NUP58: variants seen among roughly 807,000 people sequenced by gnomAD.
The protein encoded by NUP58 is nucleoporin 58.
A neutral mutation model predicts 70.1 loss-of-function variants in NUP58; 17 were observed. The observed-to-expected ratio is 0.24, with a 90% confidence interval of 0.17 to 0.36. NUP58 has a LOEUF of 0.36. Ranked by LOEUF, NUP58 falls within the 10% of genes least tolerant of loss-of-function variation. The probability of loss-of-function intolerance (pLI) is 1.00; values close to 1 mark genes in which losing one functional copy is unlikely to be tolerated. For missense variants in NUP58, 644 were observed against 701.5 expected (o/e 0.92, Z 0.93); for synonymous variants, 275 against 257.6 (o/e 1.07, Z -0.65).
chr13:25,320,966 T>C lies in NUP58; in HGVS notation c.824T>C (p.Met275Thr). 1.3e-6 allele frequency: 2 copies of C among 1,582,848 alleles called. No homozygotes were observed. Among genetic ancestry groups the C allele is most frequent in the Non-Finnish European group, 8.5e-7 (1 of 1,170,860 alleles). ...QKQVQEEISR[M>T]SSKAMLKVQE... Reference sequence around the variant, plus strand: ...CAAGTTCAAGAAGAAATTAGTAGAATGTCTTCAAAAGCAATGCTTAAGGTA... The same window carrying C: ...CAAGTTCAAGAAGAAATTAGTAGAACGTCTTCAAAAGCAATGCTTAAGGTA... Residue 275 changes from methionine to threonine, a missense_variant, in exon 9 of 16, where the codon ATG (methionine) becomes ACG (threonine). By Grantham distance (81) the Met-to-Thr change is moderately conservative. Around this residue, in one of 4 missense-constraint regions of NUP58, gnomAD observed 430 missense variants for 409.2 expected, o/e 1.05. Transcript: ENST00000381736.
At chr13:25,315,901 A>T (rs978109337) in intron 6 of NUP58, among the ~76,000 whole-genome samples, 1 of 152,190 alleles carries the variant, frequency 6.6e-6, no homozygotes, top group Admixed American at 6.5e-5. Context: ...ATCCTGGCTC[A>T]ACTGCTTATA....
downstream of NUP58, among the ~76,000 whole-genome samples, chr13:25,343,807 A>G (rs35450584): frequency 0.045 from 1,626 of 35,754 alleles, 12 homozygotes; most frequent in East Asian, 0.066. Flanking sequence ...ATATATATGT[A>G]TATATATATA....
chr13:25,326,911 T>C lies in NUP58; in HGVS notation c.1032-5T>C. 6.6e-7 allele frequency: 1 copy of C among 1,522,898 alleles called. No individual in the cohort carries two copies. Among genetic ancestry groups the C allele is most frequent in the Non-Finnish European group, 8.9e-7 (1 of 1,118,404 alleles). 94.3% of individuals were successfully genotyped at this position (1,522,898 alleles called of 1,614,324 possible). ...TTGATCTGACTTTTTAAATGTTTTT[T>C]AAAGCTACTTCAGAATCTTGGTTCA... On this transcript the variant is annotated splice_polypyrimidine_tract_variant and splice_region_variant and intron_variant, in intron 10 of 15. Transcript: ENST00000381736.
At chr13:25,319,417 A>G in intron 7 of NUP58, 67 bp downstream of exon 7, 1 of 1,424,300 alleles carries the variant, frequency 7.0e-7, no homozygotes. Flanking sequence ...TTGTAGGCAG[A>G]TGGTATAATT....
At chr13:25,304,686 TTTA>T (rs977891297) in intron 1 of NUP58, among the ~76,000 whole-genome samples, 4 of 150,966 alleles carry the variant, frequency 2.6e-5, no homozygotes, top group African/African-American at 9.8e-5. Context: ...GGCTAAATTT[TTTA>T]TTTTTATTTT....
chr13:25,314,635 C>T (rs2030841140), intron 5 of NUP58, among the ~76,000 whole-genome samples: 1 of 152,092 alleles, frequency 6.6e-6, no homozygotes, highest in Admixed American at 6.5e-5. Context: ...GCAGAGGTTG[C>T]AGTGAGCCGA....
At chr13:25,344,977 A>G (rs1459450789), downstream of NUP58, among the ~76,000 whole-genome samples, 4 of 152,148 alleles carry the variant, frequency 2.6e-5, no homozygotes, top group African/African-American at 9.7e-5. Flanking sequence ...CCTTGCTAAC[A>G]TGAGCCAGTG....
chr13:25,307,209 G>GTGT (rs1433449217), intron 1 of NUP58, among the ~76,000 whole-genome samples: 2 of 46,398 alleles, frequency 4.3e-5, no homozygotes, highest in African/African-American at 9.7e-5. Flanking sequence ...ATCTGGTATT[G>GTGT]TATTTTTTTT....
chr13:25,328,447 G>A (rs1307988651), intron 12 of NUP58, among the ~76,000 whole-genome samples: 1 of 141,470 alleles, frequency 7.1e-6, no homozygotes, highest in Non-Finnish European at 1.5e-5. Flanking sequence ...CCAGGCTGGA[G>A]TTCAGTGGCA....
rs1347343768 is a variant in NUP58, at chr13:25,341,386, ACTAAAGTTCTCACTTT to A, written c.*1253_*1268del. 4 of 152,594 alleles carry A rather than the reference ACTAAAGTTCTCACTTT, an allele frequency of 2.6e-5. No individual in the cohort carries two copies. The highest frequency in any genetic ancestry group is 5.9e-5 in the Non-Finnish European group (4 of 68,040). The allele number at this position is 152,594 out of a possible 1,614,324, so 9.5% of individuals were successfully genotyped here. The stretch of plus-strand genomic sequence containing the variant: ...CTGATTCTATGCAGGTGAAGGATGC[ACTAAAGTTCTCACTTT>A]AGTGAGAACTTTTCTAGCTATTCCA... On this transcript the variant is annotated 3_prime_UTR_variant, in exon 16 of 16. Coordinates refer to ENST00000381736, the MANE Select transcript of NUP58 (RefSeq NM_014089.4).
intron 4 of NUP58, 71 bp downstream of exon 4, chr13:25,313,103 A>G: frequency 6.7e-7 from 1 of 1,499,086 alleles, no homozygotes; most frequent in Non-Finnish European, 9.1e-7. Flanking sequence ...GAACATAGAT[A>G]GTCACCTTAC....
intron 2 of NUP58, among the ~76,000 whole-genome samples, chr13:25,309,041 TAATC>T (rs1472833341): frequency 6.6e-6 from 1 of 152,242 alleles, no homozygotes; most frequent in East Asian, 1.9e-4. Flanking sequence ...TTTTATTCCT[TAATC>T]AAATTATGTA....
In NUP58 at chr13:25,301,797, G is replaced by T. The variant is rs1166678743; in HGVS notation, c.24G>T (p.Gly8=). 5 of 1,613,498 alleles carry T rather than the reference G, an allele frequency of 3.1e-6. No individual in the cohort carries two copies. The highest frequency in any genetic ancestry group is 1.1e-5 in the South Asian group (1 of 91,010). The change falls in exon 1 of 16, where the codon GGG becomes GGT. Residue 8 remains glycine, a synonymous_variant. Coordinates refer to ENST00000381736, the MANE Select transcript of NUP58 (RefSeq NM_014089.4). The stretch of plus-strand genomic sequence containing the variant: ...ACATGTCCACAGGGTTCTCCTTCGG[G>T]TCCGGGACTCTGGGCTCCACCACCG... The part of the protein sequence containing the change: MSTGFSF[G]SGTLGSTTVA...
At chr13:25,331,735 A>G in intron 13 of NUP58, 177 bp downstream of exon 13, 2 of 1,424,470 alleles carry the variant, frequency 1.4e-6, no homozygotes, top group South Asian at 1.5e-5. Context: ...AAGGCAGGGT[A>G]GTCTTAGCAA....
At chr13:25,344,015 A>G (rs1190126097), downstream of NUP58, among the ~76,000 whole-genome samples, 1 of 151,960 alleles carries the variant, frequency 6.6e-6, no homozygotes, top group Non-Finnish European at 1.5e-5. Flanking sequence ...CTATACAAAT[A>G]TATACTCCTA....
chr13:25,334,042 T>A, intron 13 of NUP58: 1 of 866,370 alleles, frequency 1.2e-6, no homozygotes, highest in Non-Finnish European at 1.4e-6. Flanking sequence ...CCTCCTTCAA[T>A]TTTTTTTTTA....
chr13:25,309,372 A>G, intron 3 of NUP58, 90 bp downstream of exon 3: 2 of 1,007,950 alleles, frequency 2.0e-6, no homozygotes, highest in African/African-American at 1.6e-5. Flanking sequence ...CTCTTCTAAT[A>G]TTTCACAGAG....
chr13:25,318,096 G>A (rs932623791), intron 6 of NUP58, among the ~76,000 whole-genome samples: 14 of 152,012 alleles, frequency 9.2e-5, no homozygotes, highest in Non-Finnish European at 1.8e-4. Flanking sequence ...TTGGGAGGCC[G>A]GGGCAGGTGG....
intron 3 of NUP58, among the ~76,000 whole-genome samples, chr13:25,310,840 C>A (rs996533307): frequency 6.6e-6 from 1 of 152,130 alleles, no homozygotes; most frequent in Non-Finnish European, 1.5e-5. Flanking sequence ...ATTGTTTGAG[C>A]AGTTACTACT....
Sources: gnomAD v4.1 joint callset for allele counts (sites outside exome capture counted in the v4.1 genomes callset) on GRCh38, gnomAD v4.1.1 for gene constraint, gnomAD v4.1.1 regional missense constraint, MANE v1.5 for transcripts, NCBI Gene and HGNC (gene_info 2026-07-23, HGNC 2026-07-21) for gene names.